The following CPHXL variants were observed in gnomAD, a reference collection of about 807,000 sequenced individuals.
CPHXL encodes the protein cytoplasmic polyadenylated homeobox like, also known as cytoplasmic polyadenylated homeobox-like protein.
chr16:75,723,112 G>C (rs1189188775), intron 1 of CPHXL, among the ~76,000 whole-genome samples: 2 of 152,060 alleles, frequency 1.3e-5, no homozygotes, highest in African/African-American at 4.8e-5. Flanking sequence ...AAAATAATAA[G>C]AGCTAATTAT....
chr16:75,723,493 C>T (rs1959507629), intron 1 of CPHXL, among the ~76,000 whole-genome samples: 1 of 152,186 alleles, frequency 6.6e-6, no homozygotes, highest in Non-Finnish European at 1.5e-5. Context: ...AGTGAACTCC[C>T]ATTTGCAGTT....
At chr16:75,720,544 G>T (rs900703530) in intron 1 of CPHXL, among the ~76,000 whole-genome samples, 6 of 152,214 alleles carry the variant, frequency 3.9e-5, no homozygotes, top group African/African-American at 1.4e-4. Context: ...AAGAAGAGAA[G>T]TTTAGAGAAA....
Position 75,722,900 on chromosome 16 carries a change from C to T in CPHXL, c.25+3518G>A, listed in dbSNP as rs141857859. 3.3e-3 allele frequency among the ~76,000 whole-genome samples: 497 copies of T among 152,294 alleles called. 1 individual carries two copies. Among genetic ancestry groups the T allele is most frequent in the African/African-American group, 0.011 (474 of 41,552 alleles). ...AGCAGCACATGAAAAAGCTCATCCA[C>T]CATGATCAAGTGGGCTTCATCCCTG... On this transcript the variant is annotated intron_variant, in intron 1 of 2. Transcript: ENST00000640559.
At chr16:75,722,873 C>G (rs1177513650) in intron 1 of CPHXL, among the ~76,000 whole-genome samples, 1 of 152,148 alleles carries the variant, frequency 6.6e-6, no homozygotes, top group Non-Finnish European at 1.5e-5. Context: ...CAAACTGAAT[C>G]CAGCAGCACA....
intron 1 of CPHXL, among the ~76,000 whole-genome samples, chr16:75,718,993 C>A (rs751257988): frequency 6.6e-6 from 1 of 152,146 alleles, no homozygotes. Context: ...CCTCTGGGTG[C>A]CACTAAGTTT....
intron 1 of CPHXL, among the ~76,000 whole-genome samples, chr16:75,721,405 A>C (rs1959475263): frequency 6.6e-6 from 1 of 152,216 alleles, no homozygotes; most frequent in Non-Finnish European, 1.5e-5. Context: ...GGGATGGAGG[A>C]AGTTCTACCA....
chr16:75,715,520 C>T (rs1250212850), intron 2 of CPHXL, among the ~76,000 whole-genome samples: 1 of 152,160 alleles, frequency 6.6e-6, no homozygotes, highest in Non-Finnish European at 1.5e-5. Flanking sequence ...CTGTTTGTGA[C>T]CCATTTGCAA....
intron 2 of CPHXL, 91 bp downstream of exon 2, chr16:75,718,174 T>C (rs908777715): frequency 2.3e-5 from 9 of 395,320 alleles, no homozygotes; most frequent in African/African-American, 4.1e-5. Flanking sequence ...GCCGTGATCA[T>C]GCCACTGTGC....
intron 1 of CPHXL, among the ~76,000 whole-genome samples, chr16:75,718,797 C>T (rs1469760027): frequency 6.6e-6 from 1 of 152,172 alleles, no homozygotes; most frequent in African/African-American, 2.4e-5. Flanking sequence ...AGGGTCGACA[C>T]AGCCTAACAT....
chr16:75,719,309 G>A (rs1257328310), intron 1 of CPHXL, among the ~76,000 whole-genome samples: 6 of 152,180 alleles, frequency 3.9e-5, no homozygotes, highest in African/African-American at 7.2e-5. Context: ...GTGAGGCATC[G>A]CCTCACTTGG....
intron 1 of CPHXL, among the ~76,000 whole-genome samples, chr16:75,721,061 T>C (rs1327830396): frequency 6.6e-6 from 1 of 152,144 alleles, no homozygotes; most frequent in African/African-American, 2.4e-5. Context: ...CTGAGAGATT[T>C]TGTCACCACC....
intron 1 of CPHXL, among the ~76,000 whole-genome samples, chr16:75,721,973 T>C (rs1959484379): frequency 1.3e-5 from 2 of 152,144 alleles, no homozygotes; most frequent in African/African-American, 4.8e-5. Flanking sequence ...CTCAATTACA[T>C]GGAAACTGAA....
At chr16:75,722,294 CA>C (rs199644909) in intron 1 of CPHXL, among the ~76,000 whole-genome samples, 215 of 151,890 alleles carry the variant, frequency 1.4e-3, no homozygotes, top group Non-Finnish European at 2.6e-3. Context: ...AAAAAACCTT[CA>C]AAAAAATCAA....
chr16:75,725,753 CTTTTTTTTTTTTTTTT>C (rs35659823), intron 1 of CPHXL, among the ~76,000 whole-genome samples: 1,001 of 43,386 alleles, frequency 0.023, 56 homozygotes, highest in Admixed American at 0.19. Flanking sequence ...TGCCCGGCGT[CTTTTTTTTTTTTTTTT>C]TTTTTTTTTT....
intron 2 of CPHXL, among the ~76,000 whole-genome samples, 197 bp downstream of exon 2, chr16:75,718,068 A>AC (rs35330962): frequency 0.72 from 108,822 of 151,810 alleles, 40,763 homozygotes; most frequent in East Asian, 0.97. Context: ...TACAAAACAT[A>AC]AAAGCCTGGC....
At chr16:75,720,359 A>T (rs1959458208) in intron 1 of CPHXL, among the ~76,000 whole-genome samples, 1 of 152,226 alleles carries the variant, frequency 6.6e-6, no homozygotes, top group South Asian at 2.1e-4. Context: ...CCTTGAAAAA[A>T]AATTAGATGA....
chr16:75,724,058 G>A (rs1048095629), intron 1 of CPHXL, among the ~76,000 whole-genome samples: 10 of 152,292 alleles, frequency 6.6e-5, no homozygotes, highest in African/African-American at 2.2e-4. Context: ...TGCTGGGAAA[G>A]TTGGCTAGCC....
intron 1 of CPHXL, among the ~76,000 whole-genome samples, chr16:75,722,978 A>T (rs1477922132): frequency 6.6e-6 from 1 of 152,234 alleles, no homozygotes; most frequent in Non-Finnish European, 1.5e-5. Flanking sequence ...TCCAGCATAT[A>T]AACAGAACCA....
Position 75,726,465 on chromosome 16 carries a change from T to G in CPHXL, c.-23A>C. On this transcript the variant is annotated 5_prime_UTR_variant, in exon 1 of 3. Coordinates refer to ENST00000640559, the MANE Select transcript of CPHXL (RefSeq NM_001355613.1). ...CATCTTGGGGTAGAAGACCTGGACT[T>G]CACGGAGACCAGCAAGCAACTGAGA... The G allele has an allele frequency of 2.5e-6, 1 of 398,574 alleles. No individual in the cohort carries two copies. The highest frequency in any genetic ancestry group is 2.1e-5 in the African/African-American group (1 of 48,750). The allele number at this position is 398,574 out of a possible 1,614,324, so 24.7% of individuals were successfully genotyped here.
Sources: allele counts gnomAD v4.1 joint callset (sites outside exome capture counted in the v4.1 genomes callset), GRCh38; gene constraint gnomAD v4.1.1; transcripts MANE v1.5; gene names NCBI Gene and HGNC (gene_info 2026-07-23, HGNC 2026-07-21).